TF: variants seen among roughly 807,000 people sequenced by gnomAD.
TF encodes serotransferrin.
A neutral mutation model predicts 82.4 loss-of-function variants in TF; 55 were observed. The observed-to-expected ratio is 0.67, with a 90% confidence interval of 0.54 to 0.84. TF has a LOEUF of 0.84. Ranked by LOEUF, TF falls within the 40% of genes least tolerant of loss-of-function variation. TF has a pLI of 0.00. For synonymous variants in TF, 332 were observed against 332.6 expected (o/e 1.00, Z 0.02); for missense variants, 737 against 868.4 (o/e 0.85, Z 1.90).
chr3:133,777,049 C>G lies in TF; in HGVS notation c.1873C>G (p.His625Asp). The change falls in exon 16 of 17, where the codon CAC becomes GAC. Residue 625 changes from histidine (H) to aspartate (D), a missense_variant and splice_region_variant. His to Asp is a moderately conservative substitution (Grantham distance 81, BLOSUM62 -1). Transcript: ENST00000402696. ...CACGGACTTTCTGTTCACTTGACAG[C>G]ACCTATTTGGAAGCAACGTAACTGA... ...CVHKILRQQQ[H>D]LFGSNVTDCS... The G allele has an allele frequency of 6.2e-7, 1 of 1,614,106 alleles. No individual in the cohort carries two copies. The highest frequency in any genetic ancestry group is 8.5e-7 in the Non-Finnish European group (1 of 1,179,974).
chr3:133,662,756 C>A, the TF span, among the ~76,000 whole-genome samples: 2 of 152,190 alleles, frequency 1.3e-5, no homozygotes, highest in East Asian at 3.9e-4. Flanking sequence ...AAAATTTTTT[C>A]TTATTTTATA....
chr3:133,754,378 C>A, intron 3 of TF, 117 bp from the exon 4 acceptor site: 1 of 1,047,142 alleles, frequency 9.5e-7, no homozygotes, highest in Non-Finnish European at 1.5e-6. Context: ...TCCTTATCGC[C>A]CAGTCCAGTA....
At chr3:133,662,495 C>G in the TF span, 2 of 152,242 alleles carry the variant, frequency 1.3e-5, no homozygotes. Flanking sequence ...GAAAGGATGA[C>G]TTATTACACA....
the TF span, among the ~76,000 whole-genome samples, chr3:133,687,096 C>T: frequency 7.2e-5 from 11 of 152,094 alleles, no homozygotes; most frequent in East Asian, 1.9e-4. Flanking sequence ...ATCGCAAGGA[C>T]GGAAAACCAA....
chr3:133,668,134 CCA>C, the TF span, among the ~76,000 whole-genome samples: 10 of 152,182 alleles, frequency 6.6e-5, no homozygotes, highest in African/African-American at 2.4e-4. Flanking sequence ...TTGACAATTA[CCA>C]CGTGAAACTG....
At chr3:133,777,581 G>T (rs1362940828) in intron 16 of TF, 1 of 213,448 alleles carries the variant, frequency 4.7e-6, no homozygotes, top group Non-Finnish European at 9.4e-6. Context: ...CCACCAGCAA[G>T]ATGTGACTAT....
chr3:133,712,850 A>G, the TF span: 1 of 152,642 alleles, frequency 6.6e-6, no homozygotes, highest in Non-Finnish European at 1.5e-5. Context: ...AAGCCAGTAC[A>G]TTTCTTGTCC....
intron 9 of TF, 29 bp downstream of exon 9, chr3:133,759,358 C>T (rs376922242): frequency 7.8e-5 from 125 of 1,611,826 alleles, no homozygotes; most frequent in Middle Eastern, 1.6e-4. Flanking sequence ...CCTAGGGCAG[C>T]GTCCCTGTCA....
chr3:133,695,690 C>G, the TF span, among the ~76,000 whole-genome samples: 1 of 152,096 alleles, frequency 6.6e-6, no homozygotes, highest in African/African-American at 2.4e-5. Flanking sequence ...ACAGTAATTC[C>G]CCCTTATCCA....
At chr3:133,755,869 A>C in intron 5 of TF, 2 of 435,216 alleles carry the variant, frequency 4.6e-6, no homozygotes, top group Non-Finnish European at 4.2e-6. Context: ...CCTGCTCAGC[A>C]CACTGCCTGT....
chr3:133,749,351 C>T (rs1047971577), intron 2 of TF, among the ~76,000 whole-genome samples: 17 of 152,148 alleles, frequency 1.1e-4, no homozygotes, highest in Admixed American at 7.2e-4. Flanking sequence ...CAACGTTGCC[C>T]CTGCCCATCT....
chr3:133,770,418 C>A, intron 13 of TF, 90 bp from the exon 14 acceptor site: 1 of 1,184,062 alleles, frequency 8.4e-7, no homozygotes, highest in Non-Finnish European at 1.3e-6. Context: ...TTTCAGATGG[C>A]TGTCCTGAAT....
At chr3:133,748,087 G>C (rs1933553408) in intron 1 of TF, 2 of 400,162 alleles carry the variant, frequency 5.0e-6, no homozygotes, top group African/African-American at 2.0e-5. Context: ...TGTTCCATGG[G>C]GGGCCAGGGG....
At chr3:133,672,550 G>A in the TF span, among the ~76,000 whole-genome samples, 1 of 151,866 alleles carries the variant, frequency 6.6e-6, no homozygotes, top group Non-Finnish European at 1.5e-5. Flanking sequence ...GAATGTAAGA[G>A]TAGTTCAACA....
At chr3:133,765,069 T>G (rs1023935773) in intron 11 of TF, among the ~76,000 whole-genome samples, 162 bp downstream of exon 11, 4 of 152,198 alleles carry the variant, frequency 2.6e-5, no homozygotes, top group African/African-American at 9.6e-5. Context: ...TGGTTATCCC[T>G]TTACACTTGC....
In TF at chr3:133,753,610, G is replaced by C. The variant is rs759921003; in HGVS notation, c.232G>C (p.Ala78Pro). The change falls in exon 3 of 17, where the codon GCT (alanine) becomes CCT (proline). Residue 78 changes from alanine to proline, a missense_variant. Transcript: ENST00000402696. ...IRAIAANEAD[A>P]VTLDAGLVYD... The stretch of plus-strand genomic sequence containing the variant: ...TCTCTTTCAGGCAAACGAAGCGGAT[G>C]CTGTGACACTGGATGCAGGTTTGGT... 1 of 1,614,066 alleles carries C rather than the reference G, an allele frequency of 6.2e-7. No individual in the cohort carries two copies. Among genetic ancestry groups the C allele is most frequent in the Non-Finnish European group, 8.5e-7 (1 of 1,180,038 alleles).
chr3:133,759,142 G>A (rs373656369), intron 8 of TF, 33 bp from the exon 9 acceptor site: 41 of 1,613,410 alleles, frequency 2.5e-5, no homozygotes, highest in South Asian at 6.6e-5. Flanking sequence ...AGCTAGGGCC[G>A]CTTCTGATCT....
chr3:133,784,099 AC>A lies in TF; in HGVS notation c.*5481del. The A allele has an allele frequency of 6.6e-6, 1 of 152,440 alleles. No individual in the cohort carries two copies. Among genetic ancestry groups the A allele is most frequent in the Middle Eastern group, 3.4e-3 (1 of 294 alleles). The allele number at this position is 152,440 out of a possible 1,614,324, so 9.4% of individuals were successfully genotyped here. ...GCAATGTCCCAAGTGGACGACACCCACCTAGTCCCGAGGACAACCGACAAAG... is the reference window on the plus strand; with the variant it reads ...GCAATGTCCCAAGTGGACGACACCCACTAGTCCCGAGGACAACCGACAAAG... On this transcript the variant is annotated 3_prime_UTR_variant, in exon 17 of 17. Transcript: ENST00000402696.
At chr3:133,682,341 C>A in the TF span, among the ~76,000 whole-genome samples, 1 of 152,200 alleles carries the variant, frequency 6.6e-6, no homozygotes, top group African/African-American at 2.4e-5. Context: ...CGGAATAAAG[C>A]TGGACAGAGA....
Sources: allele counts gnomAD v4.1 joint callset (sites outside exome capture counted in the v4.1 genomes callset), GRCh38; gene constraint gnomAD v4.1.1; transcripts MANE v1.5; gene names NCBI Gene and HGNC (gene_info 2026-07-23, HGNC 2026-07-21).